Variants in LPIN1 observed in about 807,000 individuals in gnomAD.
The protein encoded by LPIN1 is phosphatidate phosphatase LPIN1.
Under a neutral mutation model 107.5 loss-of-function variants are expected in LPIN1, and 71 were observed. The ratio of observed to expected loss-of-function variants is 0.66; its 90% CI spans 0.55 to 0.80. The LOEUF (loss-of-function observed/expected upper bound fraction) is 0.80. Ranked by LOEUF, LPIN1 falls within the 30% of genes least tolerant of loss-of-function variation. The pLI, the probability that LPIN1 is intolerant of heterozygous loss-of-function variation, is 0.00. For synonymous variants in LPIN1, 445 were observed against 452.6 expected, an observed-to-expected ratio of 0.98 and a Z score of 0.21; for missense variants, 1,043 against 1,160.6, an observed-to-expected ratio of 0.90 and a Z score of 1.47.
intron 1 of LPIN1, among the ~76,000 whole-genome samples, chr2:11,736,299 G>T (rs753872831): frequency 6.6e-6 from 1 of 152,254 alleles, no homozygotes; most frequent in African/African-American, 2.4e-5. Flanking sequence ...TCTATCTCAT[G>T]GTTCTGGAGG....
In LPIN1 at chr2:11,707,834, T is replaced by G. The variant is rs1663205831; in HGVS notation, c.82-5922T>G. Among the ~76,000 whole-genome samples the G allele has an allele frequency of 6.6e-6, 1 of 152,128 alleles. No homozygotes were observed. Among genetic ancestry groups the G allele is most frequent in the Non-Finnish European group, 1.5e-5 (1 of 68,020 alleles). ...GACCTTACCATTGAGCCAGGCATGA[T>G]TACTTCCTTCAAATGACTCTTCTGA... On this transcript the variant is annotated intron_variant, in intron 1 of 21. Transcript: ENST00000449576. This position sits in a 1 kb window ranked among gnomAD's most constrained non-coding sequence, Gnocchi z 4.2.
Position 11,707,166 on chromosome 2 carries a change from C to T in LPIN1, c.82-6590C>T, listed in dbSNP as rs1663166041. Among the ~76,000 whole-genome samples, 1 of 152,060 alleles carries T rather than the reference C, an allele frequency of 6.6e-6. No individual in the cohort carries two copies. The highest frequency in any genetic ancestry group is 2.4e-5 in the African/African-American group (1 of 41,382). On this transcript the variant is annotated intron_variant, in intron 1 of 21. Coordinates refer to the LPIN1 transcript ENST00000449576. The surrounding 1 kb of genome is among the most constrained non-coding windows in gnomAD (Gnocchi z 4.2). ...ATATTTTAGTAGGAAAAACAGAAAA[C>T]AAAGAATAATGATCTAACGTCAGAT...
In LPIN1 at chr2:11,759,051, C is replaced by T. The variant is rs551529453; in HGVS notation, c.-9-6482C>T. Reference sequence around the variant, plus strand: ...ACCTTGCAGGTCACTCAGGCCAATGCGCCCCCTTTACAGAGGAGAGGCTAG... The same window carrying T: ...ACCTTGCAGGTCACTCAGGCCAATGTGCCCCCTTTACAGAGGAGAGGCTAG... On this transcript the variant is annotated intron_variant, in intron 1 of 20. Transcript: ENST00000674199. Among the ~76,000 whole-genome samples the T allele has an allele frequency of 1.2e-4, 18 of 152,336 alleles. No individual in the cohort carries two copies. In the South Asian group the frequency reaches 1.2e-3, roughly 11 times the overall value.
chr2:11,792,584 T>C (rs1675959236), intron 13 of LPIN1, among the ~76,000 whole-genome samples: 1 of 152,146 alleles, frequency 6.6e-6, no homozygotes, highest in Admixed American at 6.5e-5. Context: ...GGTTTTGCCA[T>C]GTTGCCCAGG....
Position 11,782,373 on chromosome 2 carries a change from A to G in LPIN1, c.1130A>G (p.Gln377Arg). 6.2e-7 allele frequency: 1 copy of G among 1,614,228 alleles called. No individual in the cohort carries two copies. The highest frequency in any genetic ancestry group is 8.5e-7 in the Non-Finnish European group (1 of 1,180,044). ...CAGAACAAGCCTCAGACAGAAATGC[A>G]GTTTGTGAATGAAGAAGACCTGGAG... ...LDQNKPQTEM[Q>R]FVNEEDLETL... is the part of the protein sequence containing the mutation. Residue 377 changes from glutamine (Q) to arginine (R), a missense_variant, in exon 8 of 21, where the codon CAG becomes CGG. Coordinates refer to ENST00000674199, the MANE Select transcript of LPIN1 (RefSeq NM_001349206.2).
rs369289135 is a variant in LPIN1 at position 11,739,341 on chromosome 2, G to A, written c.-71-2008G>A. Among the ~76,000 whole-genome samples, 21 of 152,336 alleles carry A rather than the reference G, an allele frequency of 1.4e-4. No homozygotes were observed. The South Asian group carries it at 4.4e-3, about 32-fold the overall frequency. On this transcript the variant is annotated intron_variant, in intron 1 of 21. Transcript: ENST00000396097. ...ACCTCACGAGAGAGCTTGAGTTAGA[G>A]CCACCAGCTGGGCCACTCCTGGATT... is the stretch of plus-strand genomic sequence containing the variant.
intron 18 of LPIN1, among the ~76,000 whole-genome samples, chr2:11,815,871 T>C (rs1485948471): frequency 6.6e-6 from 1 of 152,158 alleles, no homozygotes; most frequent in South Asian, 2.1e-4. Context: ...AGACTAACTC[T>C]GGCCCCTTGG....
At chr2:11,801,068 C>CAAA (rs2148694331) in intron 14 of LPIN1, among the ~76,000 whole-genome samples, 2 of 152,306 alleles carry the variant, frequency 1.3e-5, no homozygotes, top group African/African-American at 4.8e-5. Context: ...CATCTCACCC[C>CAAA]AGTTAGCATG....
chr2:11,773,867 C>T (rs890454806), intron 5 of LPIN1, 122 bp downstream of exon 5: 14 of 1,130,016 alleles, frequency 1.2e-5, no homozygotes, highest in East Asian at 2.4e-5. Context: ...AGGAAAAACA[C>T]GGTGTAGAGT....
At position 11,786,846 on chromosome 2, in the gene LPIN1, T is replaced by C. The variant is rs187560864; in HGVS notation, c.1550-228T>C. Among the ~76,000 whole-genome samples the C allele has an allele frequency of 1.3e-5, 2 of 152,332 alleles. No homozygotes were observed. The highest frequency in any genetic ancestry group is 3.9e-4 in the East Asian group (2 of 5,184). On this transcript the variant is annotated intron_variant, in intron 10 of 20. Transcript: ENST00000674199. The surrounding 1 kb of genome is among the most constrained non-coding windows in gnomAD (Gnocchi z 4.1). Reference sequence around the variant, plus strand: ...GTATGTGCCTCAACTAAGGTACACGTCCCCCAACATCCTCAGCCTTGCCCT... The same window carrying C: ...GTATGTGCCTCAACTAAGGTACACGCCCCCCAACATCCTCAGCCTTGCCCT...
At chr2:11,818,143 A>T (rs1680912790) in intron 18 of LPIN1, 1 of 152,212 alleles carries the variant, frequency 6.6e-6, no homozygotes, top group African/African-American at 2.4e-5. Context: ...CAGCATCGGA[A>T]GTGCTAGGCC....
intron 1 of LPIN1, among the ~76,000 whole-genome samples, chr2:11,679,464 G>A (rs1246942765): frequency 6.6e-6 from 1 of 152,232 alleles, no homozygotes. Flanking sequence ...ATACAGGAAA[G>A]TTTAAATAAC....
At position 11,730,764 on chromosome 2, in the gene LPIN1, G is replaced by A. The variant is rs565458755; in HGVS notation, c.-72+6225G>A. On this transcript the variant is annotated intron_variant, in intron 1 of 21. Transcript: ENST00000396097. Reference sequence around the variant, plus strand: ...TTGCTGCCCTCCATGCAGCACAGCCGTCACTTCCTGCGGAAGTACCTCATA... The same window carrying A: ...TTGCTGCCCTCCATGCAGCACAGCCATCACTTCCTGCGGAAGTACCTCATA... 3.3e-5 allele frequency among the ~76,000 whole-genome samples: 5 copies of A among 152,272 alleles called. 1 individual carries two copies. The South Asian group carries it at 8.3e-4, about 25-fold the overall frequency.
Position 11,752,433 on chromosome 2 carries a change from A to ATTTTTTT in LPIN1, c.-10+5772_-10+5778dup, listed in dbSNP as rs34156190. Among the ~76,000 whole-genome samples the ATTTTTTT allele has an allele frequency of 1.3e-4, 14 of 103,866 alleles. 2 individuals carry two copies. The highest frequency in any genetic ancestry group is 4.5e-4 in the African/African-American group (8 of 17,696). 68.1% of individuals were successfully genotyped at this position (103,866 alleles called of 152,430 possible). A position where few individuals can be genotyped will look rare whatever the true frequency, so the allele number is the denominator to read the frequency against. The stretch of plus-strand genomic sequence containing the variant: ...TTTTCTTTTGAGCTGTTCCAAGGCC[A>ATTTTTTT]TTTTTTTTTTTTTTTTGAGACGGAG... On this transcript the variant is annotated intron_variant, in intron 1 of 20. Coordinates refer to ENST00000674199, the MANE Select transcript of LPIN1 (RefSeq NM_001349206.2).
chr2:11,726,513 G>C (rs886221423), intron 1 of LPIN1, among the ~76,000 whole-genome samples: 6 of 150,410 alleles, frequency 4.0e-5, no homozygotes, highest in Non-Finnish European at 8.8e-5. Context: ...CCTGGTTGTC[G>C]TCCAAAGCTC....
chr2:11,719,535 C>A (rs1249611876), upstream of LPIN1, among the ~76,000 whole-genome samples: 1 of 152,200 alleles, frequency 6.6e-6, no homozygotes, highest in Non-Finnish European at 1.5e-5. Context: ...GATGAAGTAT[C>A]TTCTCCATTG....
Position 11,786,716 on chromosome 2 carries a change from C to T in LPIN1, c.1550-358C>T, listed in dbSNP as rs187962778. ...GCTTGCCCAGGGTTACCCCCGTAATCGTGACTTCAGCCGAGGGAGCCTGGC... is the reference window on the plus strand; with the variant it reads ...GCTTGCCCAGGGTTACCCCCGTAATTGTGACTTCAGCCGAGGGAGCCTGGC... On this transcript the variant is annotated intron_variant, in intron 10 of 20. Transcript: ENST00000674199. This position sits in a 1 kb window ranked among gnomAD's most constrained non-coding sequence, Gnocchi z 4.1. 6.6e-6 allele frequency among the ~76,000 whole-genome samples: 1 copy of T among 152,334 alleles called. No individual in the cohort carries two copies. The highest frequency in any genetic ancestry group is 1.9e-4 in the East Asian group (1 of 5,180).
chr2:11,706,667 G>A (rs890676968), intron 1 of LPIN1, among the ~76,000 whole-genome samples: 1 of 152,132 alleles, frequency 6.6e-6, no homozygotes, highest in African/African-American at 2.4e-5. Context: ...TTATAACAAG[G>A]GCTTAGATCC....
chr2:11,705,369 G>A (rs1415033063), intron 1 of LPIN1, among the ~76,000 whole-genome samples: 4 of 152,232 alleles, frequency 2.6e-5, no homozygotes, highest in Non-Finnish European at 5.9e-5. Context: ...ACACAATGAT[G>A]AGACCAACAG....
Sources: allele counts gnomAD v4.1 joint callset (sites outside exome capture counted in the v4.1 genomes callset), GRCh38; gene constraint gnomAD v4.1.1; non-coding constraint Gnocchi (gnomAD v3.1); transcripts MANE v1.5; gene names NCBI Gene and HGNC (gene_info 2026-07-23, HGNC 2026-07-21).